Variants in IL1RAPL2 observed in about 807,000 individuals in gnomAD.
IL1RAPL2 encodes the protein X-linked interleukin-1 receptor accessory protein-like 2.
In IL1RAPL2, 3 loss-of-function variants were observed where a neutral mutation model predicts 44.1. The ratio of observed to expected loss-of-function variants is 0.07; its 90% CI spans 0.03 to 0.18. The LOEUF is 0.18. Ranked by LOEUF, IL1RAPL2 falls within the 10% of genes least tolerant of loss-of-function variation. The pLI, the probability that IL1RAPL2 is intolerant of heterozygous loss-of-function variation, is 1.00. For missense variants in IL1RAPL2, 391 were observed against 496.4 expected (o/e 0.79, Z 2.02); for synonymous variants, 181 against 178.8 (o/e 1.01, Z -0.10).
chrX:105,415,032 GAAATT>G (rs2035722940), intron 5 of IL1RAPL2, among the ~76,000 whole-genome samples: 1 of 112,157 alleles, frequency 8.9e-6, no homozygotes, highest in Non-Finnish European at 1.9e-5. Flanking sequence ...AAGAAGGTAA[GAAATT>G]AAAGTCTTTG....
chrX:105,604,549 T>G (rs1297699091), intron 6 of IL1RAPL2, among the ~76,000 whole-genome samples: 3 of 109,661 alleles, frequency 2.7e-5, no homozygotes, highest in Non-Finnish European at 3.8e-5. Context: ...CAGAACCAGG[T>G]GGCTTTACTG....
At chrX:105,604,781 C>T (rs2037281405) in intron 6 of IL1RAPL2, among the ~76,000 whole-genome samples, 1 of 111,038 alleles carries the variant, frequency 9.0e-6, no homozygotes, top group African/African-American at 3.3e-5. Flanking sequence ...AATCCAATAG[C>T]ACATCAAAAA....
chrX:105,617,114 TATTAAAC>T (rs1198915730), intron 6 of IL1RAPL2, among the ~76,000 whole-genome samples: 1 of 111,005 alleles, frequency 9.0e-6, no homozygotes, highest in Non-Finnish European at 1.9e-5. Flanking sequence ...AGCAAACACT[TATTAAAC>T]AGTAGCTGCT....
chrX:105,522,324 AT>A (rs1290203536), intron 6 of IL1RAPL2, among the ~76,000 whole-genome samples: 1 of 112,593 alleles, frequency 8.9e-6, no homozygotes, highest in Admixed American at 9.4e-5. Context: ...TTATTTAGTT[AT>A]CAGAATGAAT....
At chrX:105,308,247 G>A (rs1320277121) in intron 5 of IL1RAPL2, among the ~76,000 whole-genome samples, 1 of 111,213 alleles carries the variant, frequency 9.0e-6, no homozygotes, top group Non-Finnish European at 1.9e-5. Context: ...TTACTCATTT[G>A]TTTAAGACTA....
chrX:104,936,698 C>T (rs1478594428), intron 2 of IL1RAPL2, among the ~76,000 whole-genome samples: 19 of 104,709 alleles, frequency 1.8e-4, no homozygotes, highest in African/African-American at 6.7e-4. Flanking sequence ...TCTCGGCTCA[C>T]TGCAAGCTCT....
intron 6 of IL1RAPL2, among the ~76,000 whole-genome samples, chrX:105,690,335 A>G (rs1166295406): frequency 8.9e-6 from 1 of 111,918 alleles, no homozygotes; most frequent in East Asian, 2.8e-4. Context: ...AAACATAATT[A>G]CTGGTTAAAT....
At chrX:104,916,887 A>G (rs1179372241) in intron 2 of IL1RAPL2, among the ~76,000 whole-genome samples, 4 of 111,532 alleles carry the variant, frequency 3.6e-5, no homozygotes, top group Admixed American at 9.5e-5. Context: ...ATTTGCGTAT[A>G]TTGAACCAGC....
chrX:105,722,550 G>A (rs919867482), intron 7 of IL1RAPL2, among the ~76,000 whole-genome samples: 1 of 111,615 alleles, frequency 9.0e-6, no homozygotes, highest in Non-Finnish European at 1.9e-5. Context: ...ACCAAGAGAA[G>A]ATTCACATTT....
chrX:105,078,796 T>A (rs2032354713), intron 2 of IL1RAPL2, among the ~76,000 whole-genome samples: 1 of 112,408 alleles, frequency 8.9e-6, no homozygotes, highest in South Asian at 3.7e-4. Flanking sequence ...GTGCTAGCAA[T>A]GAGCGAGGCT....
At chrX:105,629,123 C>T (rs2037475058) in intron 6 of IL1RAPL2, among the ~76,000 whole-genome samples, 1 of 111,215 alleles carries the variant, frequency 9.0e-6, no homozygotes, top group South Asian at 3.8e-4. Context: ...CCATGTATAG[C>T]TTTCCATTCA....
At chrX:104,719,897 T>A (rs750619050) in intron 2 of IL1RAPL2, among the ~76,000 whole-genome samples, 12 of 111,395 alleles carry the variant, frequency 1.1e-4, no homozygotes, top group Non-Finnish European at 2.1e-4. Context: ...AAGATCAGAT[T>A]TCTTGCTGGG....
chrX:105,740,130 C>T (rs2038486351), intron 7 of IL1RAPL2, among the ~76,000 whole-genome samples: 1 of 110,680 alleles, frequency 9.0e-6, no homozygotes, highest in African/African-American at 3.3e-5. Context: ...TGTGTTTTAG[C>T]TAGCAGAAGG....
intron 5 of IL1RAPL2, among the ~76,000 whole-genome samples, chrX:105,447,074 A>AG (rs2035960127): frequency 3.3e-4 from 2 of 6,034 alleles, no homozygotes; most frequent in African/African-American, 5.2e-4. Flanking sequence ...TCTGGTTAAA[A>AG]TTATATATAT....
At chrX:105,077,144 G>A (rs938261482) in intron 2 of IL1RAPL2, among the ~76,000 whole-genome samples, 1 of 111,544 alleles carries the variant, frequency 9.0e-6, no homozygotes, top group Non-Finnish European at 1.9e-5. Flanking sequence ...AGCCTTGATG[G>A]TCTTTACAAT....
intron 3 of IL1RAPL2, among the ~76,000 whole-genome samples, chrX:105,203,635 G>A (rs782490554): frequency 8.9e-6 from 1 of 111,841 alleles, no homozygotes; most frequent in African/African-American, 3.3e-5. Context: ...TCTTATAAAA[G>A]TGTCCAATGA....
At chrX:105,513,201 C>A (rs1468763867) in intron 6 of IL1RAPL2, among the ~76,000 whole-genome samples, 1 of 111,712 alleles carries the variant, frequency 9.0e-6, no homozygotes, top group East Asian at 2.8e-4. Context: ...CAAGTCTTTG[C>A]TATTGTGAAT....
chrX:105,230,242 G>A (rs2034056019), intron 3 of IL1RAPL2, among the ~76,000 whole-genome samples: 1 of 110,747 alleles, frequency 9.0e-6, no homozygotes, highest in African/African-American at 3.3e-5. Context: ...TTGTGCCTAA[G>A]TCAATGTATC....
At chrX:105,066,502 C>A (rs1983274834) in intron 2 of IL1RAPL2, among the ~76,000 whole-genome samples, 1 of 109,536 alleles carries the variant, frequency 9.1e-6, no homozygotes, top group African/African-American at 3.4e-5. Context: ...ACATATATGC[C>A]TGGACTTACT....
Sources: allele counts gnomAD v4.1 joint callset (sites outside exome capture counted in the v4.1 genomes callset), GRCh38; gene constraint gnomAD v4.1.1; transcripts MANE v1.5; gene names NCBI Gene and HGNC (gene_info 2026-07-23, HGNC 2026-07-21).